Variants in DMD observed in about 807,000 individuals in gnomAD.
The protein encoded by DMD is dystrophin, also known as mutant dystrophin.
In DMD, 63 loss-of-function variants were observed where a neutral mutation model predicts 330.1. The ratio of observed to expected loss-of-function variants is 0.19; its 90% CI spans 0.16 to 0.24. The LOEUF is 0.24. DMD is among the 10% of genes least tolerant of loss of function. DMD has a pLI of 1.00. For synonymous variants in DMD, 1,223 were observed against 959.8 expected, an observed-to-expected ratio of 1.27 and a Z score of -5.07; for missense variants, 3,344 against 2,684.1, an observed-to-expected ratio of 1.25 and a Z score of -5.43.
chrX:31,649,617 C>T (rs1248965979), intron 54 of DMD, among the ~76,000 whole-genome samples: 5 of 107,771 alleles, frequency 4.6e-5, no homozygotes, highest in African/African-American at 1.7e-4. Context: ...CTTGCTCTGT[C>T]GCCCAGGCTG....
At chrX:31,356,965 G>A (rs1350620216) in intron 60 of DMD, among the ~76,000 whole-genome samples, 3 of 101,951 alleles carry the variant, frequency 2.9e-5, no homozygotes, top group Non-Finnish European at 4.0e-5. Flanking sequence ...GAGAAAAGAG[G>A]AAAGTTGAAT....
At chrX:32,951,844 C>A (rs2091264927) in intron 2 of DMD, among the ~76,000 whole-genome samples, 1 of 111,597 alleles carries the variant, frequency 9.0e-6, no homozygotes, top group Non-Finnish European at 1.9e-5. Context: ...TATACCAGAG[C>A]CTATATCCCC....
rs995342234 is a variant in DMD at position 32,817,262 on chromosome X, T to C, written c.358-622A>G. Among the ~76,000 whole-genome samples, 6 of 111,057 alleles carry C rather than the reference T, an allele frequency of 5.4e-5. No homozygotes were observed. In the South Asian group the frequency reaches 2.3e-3, roughly 42 times the overall value. ...TGAAAAGAAGACAGAAATGTTTGCC[T>C]ACCTAAAATAAAGAAAAAAAACAAC... On this transcript the variant is annotated intron_variant, in intron 5 of 78. Coordinates refer to ENST00000357033, the MANE Select transcript of DMD (RefSeq NM_004006.3).
chrX:32,319,923 T>C lies in DMD; in HGVS notation c.5923-9647A>G, dbSNP rs150405749. Among the ~76,000 whole-genome samples, 329 of 110,813 alleles carry C rather than the reference T, an allele frequency of 3.0e-3. 11 individuals carry two copies. The East Asian group carries it at 0.079, about 27-fold the overall frequency. ...TACATATCTAGTATATATTTTTTATTTTAAGCTATTCCAAAATTTCAGCTT... is the reference window on the plus strand; with the variant it reads ...TACATATCTAGTATATATTTTTTATCTTAAGCTATTCCAAAATTTCAGCTT... On this transcript the variant is annotated intron_variant, in intron 41 of 78. Coordinates refer to ENST00000357033, the MANE Select transcript of DMD (RefSeq NM_004006.3).
chrX:31,968,345 T>C lies in DMD; in HGVS notation c.6608A>G (p.Lys2203Arg). ...ATTAGATCTGTCGCCCTACCTCTTT[T>C]TTCTGTCTGACAGCTGTTTGCAGAC... ...QEVCKQLSDR[K>R]KRLEEQKNIL... The change falls in exon 45 of 79, where the codon AAA becomes AGA. Residue 2203 changes from lysine (K) to arginine (R), a missense_variant. Lys to Arg is a conservative substitution (Grantham distance 26). Coordinates refer to ENST00000357033, the MANE Select transcript of DMD (RefSeq NM_004006.3). The C allele has an allele frequency of 1.7e-6, 2 of 1,210,667 alleles. No homozygotes were observed. Among genetic ancestry groups the C allele is most frequent in the Non-Finnish European group, 2.2e-6 (2 of 894,726 alleles).
At chrX:31,359,631 T>C (rs1054922631) in intron 60 of DMD, among the ~76,000 whole-genome samples, 1 of 112,522 alleles carries the variant, frequency 8.9e-6, no homozygotes, top group Admixed American at 9.4e-5. Flanking sequence ...ATTTCATTTA[T>C]GTCTTTCTTA....
intron 34 of DMD, among the ~76,000 whole-genome samples, chrX:32,372,258 T>C (rs1020754659): frequency 1.8e-5 from 2 of 112,099 alleles, no homozygotes; most frequent in Admixed American, 1.9e-4. Context: ...AGATATTTCA[T>C]GAGTATGTCC....
At chrX:32,715,216 T>C (rs1454171960) in intron 7 of DMD, among the ~76,000 whole-genome samples, 3 of 110,941 alleles carry the variant, frequency 2.7e-5, no homozygotes, top group Admixed American at 9.6e-5. Context: ...TGGTGGCTCA[T>C]GCCTGTAATC....
At chrX:31,951,140 T>TATATATATATATATAG (rs200521604) in intron 45 of DMD, among the ~76,000 whole-genome samples, 1 of 71,653 alleles carries the variant, frequency 1.4e-5, no homozygotes, top group Non-Finnish European at 2.6e-5. Context: ...TATATATATA[T>TATATATATATATATAG]GTGTATATAT....
chrX:32,785,893 C>G (rs1461488746), intron 7 of DMD, among the ~76,000 whole-genome samples: 1 of 111,069 alleles, frequency 9.0e-6, no homozygotes, highest in Non-Finnish European at 1.9e-5. Flanking sequence ...AGTTACTTCA[C>G]CAGGTTTTTT....
chrX:32,757,996 G>C (rs190868034), intron 7 of DMD, among the ~76,000 whole-genome samples: 4 of 111,694 alleles, frequency 3.6e-5, no homozygotes, highest in Non-Finnish European at 7.5e-5. Flanking sequence ...GTCCTTCAAA[G>C]GGACATTTCT....
At chrX:32,391,537 CTAAA>C (rs973962942) in intron 30 of DMD, among the ~76,000 whole-genome samples, 2 of 111,681 alleles carry the variant, frequency 1.8e-5, no homozygotes, top group African/African-American at 6.5e-5. Flanking sequence ...TATGAATTAC[CTAAA>C]TAGTTAGAAT....
At chrX:32,058,375 TAAC>T (rs990496582) in intron 44 of DMD, among the ~76,000 whole-genome samples, 1 of 109,677 alleles carries the variant, frequency 9.1e-6, no homozygotes, top group African/African-American at 3.3e-5. Context: ...AGGAACGTAA[TAAC>T]AACAACAACA....
intron 43 of DMD, among the ~76,000 whole-genome samples, chrX:32,252,067 T>A (rs1344306605): frequency 8.9e-6 from 1 of 111,930 alleles, no homozygotes; most frequent in South Asian, 3.7e-4. Flanking sequence ...TCCGTTGCAC[T>A]TAGATAAAAT....
At chrX:32,711,686 A>G (rs1263875314) in intron 7 of DMD, among the ~76,000 whole-genome samples, 1 of 112,019 alleles carries the variant, frequency 8.9e-6, no homozygotes, top group Non-Finnish European at 1.9e-5. Flanking sequence ...AAAGTACCCC[A>G]TATCTCTACA....
At chrX:32,205,254 T>A (rs1214656817) in intron 44 of DMD, among the ~76,000 whole-genome samples, 2 of 100,563 alleles carry the variant, frequency 2.0e-5, no homozygotes, top group African/African-American at 7.6e-5. Context: ...AAATAAAAAA[T>A]GTCCTCAGCA....
intron 1 of DMD, among the ~76,000 whole-genome samples, chrX:33,295,929 C>A (rs966807204): frequency 9.0e-6 from 1 of 111,420 alleles, no homozygotes; most frequent in South Asian, 3.7e-4. Flanking sequence ...AAGAGACATC[C>A]ATGGGGGATG....
At chrX:31,795,802 C>A (rs1428180009) in intron 50 of DMD, among the ~76,000 whole-genome samples, 1 of 111,419 alleles carries the variant, frequency 9.0e-6, no homozygotes, top group Non-Finnish European at 1.9e-5. Context: ...CATGCATTCC[C>A]CTGGAGGACT....
chrX:31,880,776 T>C (rs767433603), intron 47 of DMD, among the ~76,000 whole-genome samples: 3 of 112,596 alleles, frequency 2.7e-5, no homozygotes, highest in Admixed American at 1.9e-4. Context: ...GTGATGCTGG[T>C]GTAAGCAAAC....
Sources: gnomAD v4.1 joint callset for allele counts (sites outside exome capture counted in the v4.1 genomes callset) on GRCh38, gnomAD v4.1.1 for gene constraint, MANE v1.5 for transcripts, NCBI Gene and HGNC (gene_info 2026-07-23, HGNC 2026-07-21) for gene names.